DSN1: variants seen among roughly 807,000 people sequenced by gnomAD.
DSN1 encodes DSN1 component of MIS12 kinetochore complex.
Under a neutral mutation model 45.7 loss-of-function variants are expected in DSN1, and 31 were observed. That is an observed-to-expected ratio of 0.68 (90% confidence interval 0.51 to 0.92). The LOEUF (loss-of-function observed/expected upper bound fraction) is 0.92. Ranked by LOEUF, DSN1 falls within the 40% of genes least tolerant of loss-of-function variation. DSN1 has a pLI of 0.00. For missense variants in DSN1, 394 were observed against 414.2 expected, an observed-to-expected ratio of 0.95 and a Z score of 0.42; for synonymous variants, 134 against 142.3, an observed-to-expected ratio of 0.94 and a Z score of 0.41.
At position 36,773,457 on chromosome 20, in the gene DSN1, G is replaced by T. The variant is rs1421981588; in HGVS notation, c.-16+205C>A. The stretch of plus-strand genomic sequence containing the variant: ...CGTCTCTAATGGGGTCGGTAAGGGG[G>T]ACTGCCCTCGGGTTTCATTTCACCC... On this transcript the variant is annotated intron_variant, in intron 1 of 10. Transcript: ENST00000373750. 10 of 985,474 alleles carry T rather than the reference G, an allele frequency of 1.0e-5. No homozygotes were observed. The East Asian group carries it at 9.1e-4, about 89-fold the overall frequency. The allele number at this position is 985,474 out of a possible 1,614,324, so 61.0% of individuals were successfully genotyped here. A position where few individuals can be genotyped will look rare whatever the true frequency, so the allele number is the denominator to read the frequency against.
At chr20:36,770,729 G>C in intron 3 of DSN1, 144 bp downstream of exon 3, 2 of 884,274 alleles carry the variant, frequency 2.3e-6, no homozygotes, top group South Asian at 3.4e-5. Flanking sequence ...ACATTTACTA[G>C]GTGTTTGACA....
At chr20:36,757,284 A>G (rs997881283) in intron 8 of DSN1, among the ~76,000 whole-genome samples, 1 of 152,100 alleles carries the variant, frequency 6.6e-6, no homozygotes, top group Non-Finnish European at 1.5e-5. Flanking sequence ...TGAACTAGGG[A>G]GTTGGAGGCT....
intron 8 of DSN1, among the ~76,000 whole-genome samples, chr20:36,757,590 A>C (rs1986745621): frequency 6.6e-6 from 1 of 152,078 alleles, no homozygotes; most frequent in South Asian, 2.1e-4. Context: ...ACAAAACAAA[A>C]CAAAACAACA....
chr20:36,763,410 GAAAAAAAAA>G (rs71186016), intron 5 of DSN1, among the ~76,000 whole-genome samples: 8 of 84,100 alleles, frequency 9.5e-5, no homozygotes, highest in African/African-American at 2.9e-4. Flanking sequence ...CTCAAAAAAA[GAAAAAAAAA>G]AAAAAAAAAA....
chr20:36,754,987 T>G, intron 9 of DSN1, 137 bp from the exon 10 acceptor site: 1 of 694,018 alleles, frequency 1.4e-6, no homozygotes, highest in Non-Finnish European at 2.4e-6. Flanking sequence ...CAGATAATTC[T>G]GTTTGTTCCT....
At chr20:36,765,671 G>A (rs563499864) in intron 5 of DSN1, among the ~76,000 whole-genome samples, 76 of 151,278 alleles carry the variant, frequency 5.0e-4, no homozygotes, top group Non-Finnish European at 8.1e-4. Flanking sequence ...AGTGGCCGAC[G>A]CCTGTAGTCC....
Position 36,752,817 on chromosome 20 carries a change from G to A in DSN1, c.1042C>T (p.His348Tyr). 2 of 1,614,154 alleles carry A rather than the reference G, an allele frequency of 1.2e-6. No individual in the cohort carries two copies. Among genetic ancestry groups the A allele is most frequent in the Non-Finnish European group, 1.7e-6 (2 of 1,180,006 alleles). The change falls in exon 11 of 11, where the codon CAT becomes TAT. Residue 348 changes from histidine (H) to tyrosine (Y), a missense_variant. Transcript: ENST00000373750. ...TGACAAGATCCAGATCCAGATCCAT[G>A]TATGGCAGGTGGGTTCTGTAGCTGA... Reference protein sequence around the residue: ...KLQLQNPPAIHGSGSGSCQ With the variant: ...KLQLQNPPAIYGSGSGSCQ
intron 1 of DSN1, chr20:36,773,310 C>G (rs1372435058): frequency 2.1e-6 from 2 of 935,364 alleles, no homozygotes. Flanking sequence ...TTCAGAGGGG[C>G]AAAAAGCCTG....
intron 5 of DSN1, among the ~76,000 whole-genome samples, chr20:36,764,687 G>A (rs2148275193): frequency 6.6e-6 from 1 of 152,272 alleles, no homozygotes; most frequent in Middle Eastern, 3.4e-3. Flanking sequence ...TTGGGAAGCT[G>A]AGGTGGGTGA....
intron 5 of DSN1, 117 bp downstream of exon 5, chr20:36,766,652 A>G: frequency 2.2e-6 from 2 of 916,168 alleles, no homozygotes; most frequent in South Asian, 1.5e-5. Context: ...GACTCTGTCT[A>G]AAAAACAAAA....
Position 36,752,885 on chromosome 20 carries a change from A to G in DSN1, c.974T>C (p.Met325Thr), listed in dbSNP as rs763552430. 4 of 1,614,122 alleles carry G rather than the reference A, an allele frequency of 2.5e-6. No individual in the cohort carries two copies. The East Asian group carries it at 8.9e-5, about 36-fold the overall frequency. The change falls in exon 11 of 11, where the codon ATG becomes ACG. Residue 325 changes from methionine (M) to threonine (T), a missense_variant. Coordinates refer to ENST00000373750, the MANE Select transcript of DSN1 (RefSeq NM_001145315.2). ...AGCTGGTGAGGGATCTAATTGTTGCATGCTTCTCTTTCCTGCAGAGAAAAG... is the reference window on the plus strand; with the variant it reads ...AGCTGGTGAGGGATCTAATTGTTGCGTGCTTCTCTTTCCTGCAGAGAAAAG... ...KVSVQLGKRS[M>T]QQLDPSPARK...
intron 6 of DSN1, among the ~76,000 whole-genome samples, 153 bp from the exon 7 acceptor site, chr20:36,758,770 C>T (rs956682831): frequency 6.6e-6 from 1 of 152,246 alleles, no homozygotes; most frequent in Non-Finnish European, 1.5e-5. Flanking sequence ...TCTCTGCAAC[C>T]TCTGCCTCCC....
At chr20:36,755,278 C>T (rs1986609607) in intron 9 of DSN1, among the ~76,000 whole-genome samples, 2 of 152,072 alleles carry the variant, frequency 1.3e-5, no homozygotes, top group Non-Finnish European at 2.9e-5. Context: ...TTCTATTTAG[C>T]CTTTCTGAAA....
intron 5 of DSN1, among the ~76,000 whole-genome samples, chr20:36,763,885 C>CAAAAAAAAAAAAAAAAAAAAAAAAAAAA (rs148628979): frequency 5.3e-5 from 2 of 37,464 alleles, no homozygotes; most frequent in African/African-American, 1.2e-4. Context: ...AACTCTGTCT[C>CAAAAAAAAAAAAAAAAAAAAAAAAAAAA]AAAAAAAAAA....
At chr20:36,761,899 C>T (rs1987001577) in intron 6 of DSN1, among the ~76,000 whole-genome samples, 1 of 149,284 alleles carries the variant, frequency 6.7e-6, no homozygotes, top group Admixed American at 6.7e-5. Context: ...GTCCCAGCTA[C>T]CTGGGAGGCT....
At chr20:36,758,486 C>A in intron 7 of DSN1, 72 bp downstream of exon 7, 1 of 1,325,930 alleles carries the variant, frequency 7.5e-7, no homozygotes, top group South Asian at 1.3e-5. Context: ...GCTTACTATT[C>A]ATTTTTTCCA....
intron 8 of DSN1, among the ~76,000 whole-genome samples, chr20:36,757,700 A>G (rs1986751689): frequency 6.6e-6 from 1 of 152,190 alleles, no homozygotes; most frequent in Non-Finnish European, 1.5e-5. Flanking sequence ...TGTCTCCAAG[A>G]AGGCCCTGGC....
intron 5 of DSN1, among the ~76,000 whole-genome samples, chr20:36,763,671 G>A (rs943860078): frequency 6.6e-6 from 1 of 150,752 alleles, no homozygotes; most frequent in African/African-American, 2.4e-5. Flanking sequence ...GGCAGATCAC[G>A]AGGTCAAGAG....
At chr20:36,773,432 C>T (rs1195190963) in intron 1 of DSN1, 6 of 985,412 alleles carry the variant, frequency 6.1e-6, no homozygotes, top group Non-Finnish European at 7.2e-6. Context: ...ACGGCAGATA[C>T]GTCTCTAATG....
Sources: allele counts gnomAD v4.1 joint callset (sites outside exome capture counted in the v4.1 genomes callset), GRCh38; gene constraint gnomAD v4.1.1; transcripts MANE v1.5; gene names NCBI Gene and HGNC (gene_info 2026-07-23, HGNC 2026-07-21).